Variants in DNAH11 observed in about 807,000 individuals in gnomAD.
DNAH11 encodes axonemal beta dynein heavy chain 11.
DNAH11 carries 442 observed loss-of-function variants against 526.0 expected under a neutral mutation model. The observed-to-expected ratio is 0.84, with a 90% CI of 0.78 to 0.91. The LOEUF (loss-of-function observed/expected upper bound fraction) is 0.91, where lower values mean the gene tolerates loss of function less well. DNAH11 is among the 40% of genes least tolerant of loss of function. The pLI is 0.00. For synonymous variants in DNAH11, 2,461 were observed against 1,935.9 expected (o/e 1.27, Z -7.12); for missense variants, 6,989 against 5,448.7 (o/e 1.28, Z -8.90).
At chr7:21,650,897 C>G (rs1031474322) in intron 28 of DNAH11, among the ~76,000 whole-genome samples, 5 of 151,710 alleles carry the variant, frequency 3.3e-5, no homozygotes, top group Non-Finnish European at 7.4e-5. Context: ...GCCTCTGCCT[C>G]CCAAAGTGCT....
intron 2 of DNAH11, among the ~76,000 whole-genome samples, chr7:21,553,814 T>C (rs1360868587): frequency 6.6e-6 from 1 of 152,192 alleles, no homozygotes; most frequent in Non-Finnish European, 1.5e-5. Flanking sequence ...GTTTCATTTT[T>C]ATTTATGCTT....
chr7:21,719,344 G>T (rs1024743085), intron 43 of DNAH11, among the ~76,000 whole-genome samples: 1 of 152,166 alleles, frequency 6.6e-6, no homozygotes, highest in African/African-American at 2.4e-5. Flanking sequence ...TTTAAGTTTG[G>T]TAAGGTTTAT....
intron 28 of DNAH11, among the ~76,000 whole-genome samples, chr7:21,640,586 A>G (rs1005498297): frequency 6.6e-6 from 1 of 152,108 alleles, no homozygotes; most frequent in African/African-American, 2.4e-5. Flanking sequence ...ATTCCATGGG[A>G]TAACAGTCAT....
At chr7:21,861,823 A>G in intron 68 of DNAH11, 30 bp from the exon 69 acceptor site, 1 of 1,608,894 alleles carries the variant, frequency 6.2e-7, no homozygotes, top group Non-Finnish European at 8.5e-7. Flanking sequence ...ACCAGTTGTC[A>G]CATTTTAATG....
At chr7:21,747,214 A>T (rs1222982886) in intron 51 of DNAH11, among the ~76,000 whole-genome samples, 1 of 152,184 alleles carries the variant, frequency 6.6e-6, no homozygotes, top group East Asian at 1.9e-4. Context: ...GCTTTCCCCA[A>T]GGTTGTTTTG....
intron 40 of DNAH11, 50 bp downstream of exon 40, chr7:21,707,885 G>C: frequency 6.6e-7 from 1 of 1,516,158 alleles, no homozygotes; most frequent in Admixed American, 2.2e-5. Flanking sequence ...TATCCAGAAA[G>C]CCGTTTTTCA....
At chr7:21,834,542 T>G (rs1373578782) in intron 65 of DNAH11, among the ~76,000 whole-genome samples, 2 of 152,160 alleles carry the variant, frequency 1.3e-5, no homozygotes, top group Non-Finnish European at 2.9e-5. Flanking sequence ...AACAAGACAG[T>G]TGGTTTTCTT....
intron 25 of DNAH11, among the ~76,000 whole-genome samples, chr7:21,622,504 A>G (rs917741459): frequency 6.6e-6 from 1 of 152,210 alleles, no homozygotes; most frequent in Non-Finnish European, 1.5e-5. Context: ...AAGACCCCGC[A>G]TTGCCAAGTC....
chr7:21,819,002 T>A (rs181754589), intron 65 of DNAH11, among the ~76,000 whole-genome samples: 1 of 152,100 alleles, frequency 6.6e-6, no homozygotes, highest in Non-Finnish European at 1.5e-5. Flanking sequence ...TGAGGAGTCA[T>A]CATGTCACTT....
At chr7:21,772,332 G>GT (rs148357059) in intron 55 of DNAH11, among the ~76,000 whole-genome samples, 36,302 of 140,090 alleles carry the variant, frequency 0.26, 5,761 homozygotes, top group African/African-American at 0.46. Flanking sequence ...AGGCCAGAGT[G>GT]TTTTTTTTTT....
intron 5 of DNAH11, among the ~76,000 whole-genome samples, chr7:21,563,431 A>T (rs1446922453): frequency 6.6e-6 from 1 of 152,102 alleles, no homozygotes; most frequent in East Asian, 1.9e-4. Flanking sequence ...CTGGTTTCGA[A>T]TTCCTAGACT....
At chr7:21,873,014 G>T (rs1454377495) in intron 73 of DNAH11, among the ~76,000 whole-genome samples, 2 of 151,868 alleles carry the variant, frequency 1.3e-5, no homozygotes, top group African/African-American at 2.4e-5. Flanking sequence ...TGTGTATTGC[G>T]TGGAGATTTT....
At chr7:21,688,617 A>G (rs1783482262) in intron 34 of DNAH11, among the ~76,000 whole-genome samples, 1 of 152,202 alleles carries the variant, frequency 6.6e-6, no homozygotes, top group African/African-American at 2.4e-5. Flanking sequence ...CAGGCTTCTC[A>G]TATTTAATAT....
Position 21,823,089 on chromosome 7 carries a change from G to T in DNAH11, c.10691+4750G>T, listed in dbSNP as rs148029522. Among the ~76,000 whole-genome samples the T allele has an allele frequency of 5.8e-3, 839 of 145,758 alleles. 5 individuals are homozygous for T. The highest frequency in any genetic ancestry group is 0.02 in the African/African-American group (786 of 39,590). On this transcript the variant is annotated intron_variant, in intron 65 of 81. Transcript: ENST00000409508. ...CTGTAGGTTGTCTCTTCACTCCATT[G>T]ATTGTTTCCTTTGCTGTACAGAAGT...
intron 63 of DNAH11, among the ~76,000 whole-genome samples, chr7:21,812,264 C>A (rs898627476): frequency 6.6e-6 from 1 of 152,048 alleles, no homozygotes; most frequent in Non-Finnish European, 1.5e-5. Context: ...GTCCATGGGT[C>A]TTAAAGGTGG....
chr7:21,629,946 C>A (rs1356056744), intron 25 of DNAH11, among the ~76,000 whole-genome samples: 1 of 151,886 alleles, frequency 6.6e-6, no homozygotes, highest in Non-Finnish European at 1.5e-5. Context: ...CTTATTACTG[C>A]CATTTTGTTA....
At position 21,801,126 on chromosome 7, in the gene DNAH11, C is replaced by T; in HGVS notation, c.10027-11C>T. On this transcript the variant is annotated splice_polypyrimidine_tract_variant and intron_variant, in intron 61 of 81. Coordinates refer to ENST00000409508, the MANE Select transcript of DNAH11 (RefSeq NM_001277115.2). Reference sequence around the variant, plus strand: ...AAAAATGACTCAAAAGTTAATTCAACTCTGATTCAGGATCTGGATCGAAAT... The same window carrying T: ...AAAAATGACTCAAAAGTTAATTCAATTCTGATTCAGGATCTGGATCGAAAT... The T allele has an allele frequency of 6.3e-7, 1 of 1,599,106 alleles. No homozygotes were observed. The highest frequency in any genetic ancestry group is 1.3e-5 in the African/African-American group (1 of 74,832).
intron 14 of DNAH11, among the ~76,000 whole-genome samples, chr7:21,598,075 T>C (rs1249441561): frequency 1.3e-5 from 2 of 152,196 alleles, no homozygotes; most frequent in Admixed American, 1.3e-4. Context: ...CTTACCTCTC[T>C]AGTTCTGATT....
chr7:21,793,461 C>G (rs1175314045), intron 61 of DNAH11, among the ~76,000 whole-genome samples: 1 of 151,714 alleles, frequency 6.6e-6, no homozygotes, highest in African/African-American at 2.4e-5. Flanking sequence ...ACTAAAAATA[C>G]AAAAATTAGC....
Sources: allele counts gnomAD v4.1 joint callset (sites outside exome capture counted in the v4.1 genomes callset), GRCh38; gene constraint gnomAD v4.1.1; transcripts MANE v1.5; gene names NCBI Gene and HGNC (gene_info 2026-07-23, HGNC 2026-07-21).